The following LRMDA variants were observed in gnomAD, a reference collection of about 807,000 sequenced individuals.
LRMDA encodes the protein leucine-rich melanocyte differentiation-associated protein.
LRMDA carries 18 observed loss-of-function variants against 29.8 expected under a neutral mutation model. That is an observed-to-expected ratio of 0.60 (90% CI 0.42 to 0.90). The LOEUF is 0.90. Ranked by LOEUF, LRMDA falls within the 40% of genes least tolerant of loss-of-function variation. The pLI is 0.00. For missense variants in LRMDA, 273 were observed against 273.9 expected (o/e 1.00, Z 0.02); for synonymous variants, 125 against 109.4 (o/e 1.14, Z -0.89).
chr10:76,240,348 A>G (rs1852249018), intron 5 of LRMDA, among the ~76,000 whole-genome samples: 1 of 150,016 alleles, frequency 6.7e-6, no homozygotes, highest in Non-Finnish European at 1.5e-5. Flanking sequence ...ACCAAACATC[A>G]TATGTTCTCA....
At position 76,495,828 on chromosome 10, in the gene LRMDA, A is replaced by ATGGTGCAGC. The variant is rs1457687719; in HGVS notation, c.602-61381_602-61380insTGGTGCAGC. ...CACCTGTCCATTTTCAGTATATAGAAAATGCAATTGATTTGTTTGTATTAA... is the reference window on the plus strand; with the variant it reads ...CACCTGTCCATTTTCAGTATATAGAATGGTGCAGCAATGCAATTGATTTGTTTGTATTAA... On this transcript the variant is annotated intron_variant, in intron 6 of 6. Transcript: ENST00000611255. Among the ~76,000 whole-genome samples the ATGGTGCAGC allele has an allele frequency of 1.2e-3, 25 of 21,352 alleles. 2 individuals are homozygous for ATGGTGCAGC. The highest frequency in any genetic ancestry group is 3.9e-3 in the Non-Finnish European group (10 of 2,590). 14.0% of individuals were successfully genotyped at this position (21,352 alleles called of 152,430 possible).
intron 2 of LRMDA, among the ~76,000 whole-genome samples, chr10:75,981,684 T>C (rs1017616221): frequency 2.6e-5 from 4 of 151,922 alleles, no homozygotes; most frequent in African/African-American, 9.7e-5. Flanking sequence ...AAACCCCAGC[T>C]CTACTAAAAA....
At chr10:75,626,456 CTA>C (rs1194343777) in intron 2 of LRMDA, among the ~76,000 whole-genome samples, 1 of 151,900 alleles carries the variant, frequency 6.6e-6, no homozygotes, top group African/African-American at 2.4e-5. Flanking sequence ...GAAAGGGAGA[CTA>C]TGAATTGAGG....
intron 2 of LRMDA, among the ~76,000 whole-genome samples, chr10:76,020,209 AC>A (rs1299994204): frequency 2.0e-5 from 3 of 152,342 alleles, no homozygotes; most frequent in East Asian, 1.9e-4. Flanking sequence ...AGCTGTCTGT[AC>A]TATAAGCGTG....
At chr10:75,720,913 A>G (rs1842558995) in intron 2 of LRMDA, among the ~76,000 whole-genome samples, 1 of 152,196 alleles carries the variant, frequency 6.6e-6, no homozygotes, top group South Asian at 2.1e-4. Context: ...AGAACCCATG[A>G]TGGGAAGTCA....
intron 5 of LRMDA, among the ~76,000 whole-genome samples, chr10:76,311,987 C>T (rs1197473550): frequency 6.6e-6 from 1 of 152,122 alleles, no homozygotes; most frequent in Non-Finnish European, 1.5e-5. Context: ...CCTCTCTGAC[C>T]CCTATCCCTA....
At chr10:76,316,525 G>T (rs1380711136) in intron 5 of LRMDA, among the ~76,000 whole-genome samples, 1 of 152,226 alleles carries the variant, frequency 6.6e-6, no homozygotes, top group Non-Finnish European at 1.5e-5. Flanking sequence ...AATGAGCCCA[G>T]TGAGGCTAAG....
chr10:76,419,615 G>A (rs1842052979), intron 6 of LRMDA, among the ~76,000 whole-genome samples: 1 of 152,050 alleles, frequency 6.6e-6, no homozygotes, highest in Non-Finnish European at 1.5e-5. Context: ...TATGGAAAGA[G>A]TATCTCTTGT....
In LRMDA at chr10:75,842,475, C is replaced by T. The variant is rs117881386; in HGVS notation, c.132-193533C>T. On this transcript the variant is annotated intron_variant, in intron 2 of 6. Transcript: ENST00000611255. ...CTGACCTCTGGTCTATGTTATTTCA[C>T]AGTCTCACTAGATGAGTGGTTTGCA... Among the ~76,000 whole-genome samples the T allele has an allele frequency of 4.7e-3, 710 of 152,254 alleles. 4 individuals carry two copies. Among genetic ancestry groups the T allele is most frequent in the Non-Finnish European group, 7.6e-3 (519 of 68,028 alleles).
At chr10:76,217,374 G>A (rs1347605724) in intron 5 of LRMDA, among the ~76,000 whole-genome samples, 2 of 152,138 alleles carry the variant, frequency 1.3e-5, no homozygotes, top group Non-Finnish European at 2.9e-5. Flanking sequence ...ATCTCTAGGA[G>A]CGACCTCCTG....
chr10:76,464,377 G>T lies in LRMDA; in HGVS notation c.602-92832G>T, dbSNP rs374333603. On this transcript the variant is annotated intron_variant, in intron 6 of 6. Transcript: ENST00000611255. ...TAAGGTATGAGTGGACGAGTGGCGA[G>T]AGACTAGAATGGCCTGGTACCCAGT... Among the ~76,000 whole-genome samples the T allele has an allele frequency of 1.3e-5, 2 of 152,150 alleles. 1 individual carries two copies. Among genetic ancestry groups the T allele is most frequent in the East Asian group, 3.9e-4 (2 of 5,162 alleles).
intron 5 of LRMDA, among the ~76,000 whole-genome samples, chr10:76,275,294 T>G (rs187619483): frequency 6.6e-6 from 1 of 152,158 alleles, no homozygotes; most frequent in East Asian, 1.9e-4. Context: ...TCTAGAGATT[T>G]TTTTCCCCTG....
At chr10:75,868,461 G>C (rs72811453) in intron 2 of LRMDA, among the ~76,000 whole-genome samples, 1 of 152,044 alleles carries the variant, frequency 6.6e-6, no homozygotes, top group Non-Finnish European at 1.5e-5. Context: ...CCTAGTAAAC[G>C]TTGTCATTAT....
At chr10:76,000,801 A>G (rs1474932131) in intron 2 of LRMDA, among the ~76,000 whole-genome samples, 1 of 152,076 alleles carries the variant, frequency 6.6e-6, no homozygotes, top group Admixed American at 6.5e-5. Context: ...GTTTCTTGGA[A>G]GTCTGATTAC....
intron 2 of LRMDA, among the ~76,000 whole-genome samples, chr10:75,493,603 G>A (rs944282516): frequency 6.6e-6 from 1 of 152,068 alleles, no homozygotes; most frequent in African/African-American, 2.4e-5. Flanking sequence ...GGTTGAGATG[G>A]TTAAGTCACA....
chr10:76,221,931 G>A lies in LRMDA; in HGVS notation c.517-102470G>A, dbSNP rs1378847244. ...GGTACCAAAACAGAGATATAGATCA[G>A]TGGAACAGAACAGAGCCCTCAGAAA... On this transcript the variant is annotated intron_variant, in intron 5 of 6. Coordinates refer to ENST00000611255, the MANE Select transcript of LRMDA (RefSeq NM_001305581.2). 1.8e-4 allele frequency among the ~76,000 whole-genome samples: 27 copies of A among 151,824 alleles called. No homozygotes were observed. The South Asian group carries it at 2.7e-3, about 15-fold the overall frequency.
At chr10:75,542,930 T>C (rs777672590) in intron 2 of LRMDA, among the ~76,000 whole-genome samples, 1 of 152,214 alleles carries the variant, frequency 6.6e-6, no homozygotes, top group African/African-American at 2.4e-5. Context: ...GAAATTTTAA[T>C]TGAATTGTTA....
intron 5 of LRMDA, among the ~76,000 whole-genome samples, chr10:76,265,469 C>T (rs1839994798): frequency 6.6e-6 from 1 of 152,198 alleles, no homozygotes; most frequent in South Asian, 2.1e-4. Context: ...TCTGCCTTCT[C>T]TGTCCTGGGA....
At chr10:76,307,984 T>C (rs75025902) in intron 5 of LRMDA, among the ~76,000 whole-genome samples, 110 of 152,328 alleles carry the variant, frequency 7.2e-4, no homozygotes, top group African/African-American at 2.5e-3. Context: ...AGGGAGATTC[T>C]ACAACTTACC....
Sources: gnomAD v4.1 joint callset for allele counts (sites outside exome capture counted in the v4.1 genomes callset) on GRCh38, gnomAD v4.1.1 for gene constraint, MANE v1.5 for transcripts, NCBI Gene and HGNC (gene_info 2026-07-23, HGNC 2026-07-21) for gene names.